The following CFAP299 variants were observed in gnomAD, a reference collection of about 807,000 sequenced individuals.
CFAP299 encodes cilia- and flagella-associated protein 299.
Under a neutral mutation model 27.0 loss-of-function variants are expected in CFAP299, and 21 were observed. That is an observed-to-expected ratio of 0.78 (90% CI 0.55 to 1.12). The LOEUF is 1.12. Among genes scored for constraint, CFAP299 ranks in the 50% most tolerant of loss-of-function variants. The probability of loss-of-function intolerance (pLI) is 0.00; values close to 1 mark genes in which losing one functional copy is unlikely to be tolerated. For missense variants in CFAP299, 310 were observed against 276.6 expected, an observed-to-expected ratio of 1.12 and a Z score of -0.86; for synonymous variants, 104 against 98.1, an observed-to-expected ratio of 1.06 and a Z score of -0.36.
At chr4:80,821,153 G>A (rs963942799) in intron 3 of CFAP299, among the ~76,000 whole-genome samples, 4 of 152,132 alleles carry the variant, frequency 2.6e-5, no homozygotes, top group Admixed American at 6.5e-5. Flanking sequence ...ATTGACTACT[G>A]TAATTAAGAT....
intron 3 of CFAP299, among the ~76,000 whole-genome samples, chr4:80,840,390 C>T (rs910399096): frequency 6.6e-5 from 10 of 152,066 alleles, no homozygotes; most frequent in African/African-American, 2.4e-4. Flanking sequence ...TGAAAGTAGA[C>T]AAGTTGGAGT....
Position 80,751,311 on chromosome 4 carries a change from A to C in CFAP299, c.334-118682A>C, listed in dbSNP as rs575295201. ...TCAGTCAGGAGGAATGGGATCAGAG[A>C]CCTGCTTAAAGAAGCAGTATGGCTG... is the stretch of plus-strand genomic sequence containing the variant. On this transcript the variant is annotated intron_variant, in intron 3 of 5. Transcript: ENST00000358105. 1.3e-3 allele frequency among the ~76,000 whole-genome samples: 202 copies of C among 152,244 alleles called. 1 individual carries two copies. Among genetic ancestry groups the C allele is most frequent in the Non-Finnish European group, 2.2e-3 (153 of 68,000 alleles).
At chr4:80,514,320 T>C (rs1732470225) in intron 2 of CFAP299, among the ~76,000 whole-genome samples, 1 of 152,086 alleles carries the variant, frequency 6.6e-6, no homozygotes, top group Non-Finnish European at 1.5e-5. Flanking sequence ...TATTAATCTT[T>C]CCAGATTTTA....
chr4:80,399,216 A>C (rs1401463159), intron 2 of CFAP299, among the ~76,000 whole-genome samples: 1 of 152,204 alleles, frequency 6.6e-6, no homozygotes, highest in Non-Finnish European at 1.5e-5. Flanking sequence ...GATGCAGAGA[A>C]ATAGGAACAC....
At chr4:80,388,295 A>G (rs1578385687) in intron 2 of CFAP299, 2 of 695,270 alleles carry the variant, frequency 2.9e-6, no homozygotes, top group Admixed American at 3.8e-5. Context: ...AATGGCAGAC[A>G]TGAGCAAGTC....
At chr4:80,754,757 T>C in intron 3 of CFAP299, among the ~76,000 whole-genome samples, 1 of 152,112 alleles carries the variant, frequency 6.6e-6, no homozygotes, top group Non-Finnish European at 1.5e-5. Context: ...TTGTTAAAAA[T>C]GCTCTTCTTC....
At chr4:80,454,541 C>G (rs924546939) in intron 2 of CFAP299, among the ~76,000 whole-genome samples, 2 of 152,100 alleles carry the variant, frequency 1.3e-5, no homozygotes, top group Admixed American at 1.3e-4. Flanking sequence ...GCACACATGC[C>G]CATATAATTA....
chr4:80,599,949 A>G (rs28638435), intron 3 of CFAP299, among the ~76,000 whole-genome samples: 107 of 152,266 alleles, frequency 7.0e-4, no homozygotes, highest in African/African-American at 2.5e-3. Context: ...AAAACAAACA[A>G]AAAGCTGAAA....
In CFAP299 at chr4:80,801,630, C is replaced by T. The variant is rs149984022; in HGVS notation, c.334-68363C>T. Reference sequence around the variant, plus strand: ...TCTGACTGTTGGTTAGAAGAAATCACGACAGGTGAGTCAATCGTATTCCAC... The same window carrying T: ...TCTGACTGTTGGTTAGAAGAAATCATGACAGGTGAGTCAATCGTATTCCAC... On this transcript the variant is annotated intron_variant, in intron 3 of 5. Coordinates refer to ENST00000358105, the MANE Select transcript of CFAP299 (RefSeq NM_152770.3). Among the ~76,000 whole-genome samples, 118 of 152,084 alleles carry T rather than the reference C, an allele frequency of 7.8e-4. 2 individuals are homozygous for T. The highest frequency in any genetic ancestry group is 6.8e-3 in the Middle Eastern group (2 of 294).
intron 2 of CFAP299, among the ~76,000 whole-genome samples, chr4:80,581,857 A>G (rs924441873): frequency 1.3e-5 from 2 of 151,870 alleles, no homozygotes; most frequent in African/African-American, 2.4e-5. Flanking sequence ...GCTTCCTTGC[A>G]TTAGACCCTT....
chr4:80,389,588 T>C (rs1273881192), intron 2 of CFAP299, among the ~76,000 whole-genome samples: 2 of 152,180 alleles, frequency 1.3e-5, no homozygotes, highest in Admixed American at 6.5e-5. Flanking sequence ...CAGGTCAAGA[T>C]ACTTTAGCCG....
chr4:80,775,275 G>A (rs920276406), intron 3 of CFAP299, among the ~76,000 whole-genome samples: 22 of 151,724 alleles, frequency 1.5e-4, no homozygotes, highest in African/African-American at 5.3e-4. Flanking sequence ...AAACAAGAAA[G>A]TATTGTAACA....
At position 80,689,402 on chromosome 4, in the gene CFAP299, A is replaced by G. The variant is rs959854556; in HGVS notation, c.333+106219A>G. 1.6e-3 allele frequency among the ~76,000 whole-genome samples: 250 copies of G among 152,330 alleles called. 3 individuals are homozygous for G. The highest frequency in any genetic ancestry group is 5.7e-3 in the African/African-American group (237 of 41,570). On this transcript the variant is annotated intron_variant, in intron 3 of 5. Transcript: ENST00000358105. ...GGGCCAATATTCAACATTCTCAAAG[A>G]AAAGAATTTTCAACACAGAATTTCA...
At chr4:80,658,326 G>T (rs915574382) in intron 3 of CFAP299, among the ~76,000 whole-genome samples, 3 of 152,106 alleles carry the variant, frequency 2.0e-5, no homozygotes, top group Non-Finnish European at 4.4e-5. Context: ...CAAAGGGAAT[G>T]CTTCCAGCTT....
chr4:80,352,121 C>T (rs1409273472), intron 1 of CFAP299, among the ~76,000 whole-genome samples: 1 of 152,026 alleles, frequency 6.6e-6, no homozygotes, highest in Admixed American at 6.6e-5. Flanking sequence ...AGCTTACATG[C>T]CTCATGCCAG....
At chr4:80,343,745 C>T (rs932282020) in intron 1 of CFAP299, among the ~76,000 whole-genome samples, 7 of 148,342 alleles carry the variant, frequency 4.7e-5, no homozygotes, top group South Asian at 2.1e-4. Context: ...GCCGAGATTG[C>T]GCCACTGCAG....
chr4:80,528,202 T>G (rs1733286190), intron 2 of CFAP299, among the ~76,000 whole-genome samples: 2 of 152,174 alleles, frequency 1.3e-5, no homozygotes, highest in South Asian at 4.1e-4. Context: ...TATTTAATTC[T>G]AATCCTTATA....
intron 2 of CFAP299, among the ~76,000 whole-genome samples, chr4:80,450,470 A>C (rs1211403117): frequency 6.6e-6 from 1 of 152,184 alleles, no homozygotes; most frequent in African/African-American, 2.4e-5. Flanking sequence ...GTTCCAAAGA[A>C]GCTCTAAATC....
intron 3 of CFAP299, among the ~76,000 whole-genome samples, chr4:80,864,458 G>GTATA (rs1732578414): frequency 7.0e-6 from 1 of 141,976 alleles, no homozygotes; most frequent in Non-Finnish European, 1.5e-5. Flanking sequence ...ACCTATATAA[G>GTATA]TATATATATA....
Sources: gnomAD v4.1 joint callset for allele counts (sites outside exome capture counted in the v4.1 genomes callset) on GRCh38, gnomAD v4.1.1 for gene constraint, MANE v1.5 for transcripts, NCBI Gene and HGNC (gene_info 2026-07-23, HGNC 2026-07-21) for gene names.